The following KIAA1217 variants were observed in gnomAD, a reference collection of about 807,000 sequenced individuals.
KIAA1217 encodes sickle tail protein homolog.
KIAA1217 carries 88 observed loss-of-function variants against 163.9 expected under a neutral mutation model. The observed-to-expected ratio is 0.54, with a 90% CI of 0.45 to 0.64. The LOEUF (loss-of-function observed/expected upper bound fraction) is 0.64, where lower values mean the gene tolerates loss of function less well. Among genes scored for constraint, KIAA1217 ranks in the 30% least tolerant of loss-of-function variants. The pLI, the probability that KIAA1217 is intolerant of heterozygous loss-of-function variation, is 0.00. For synonymous variants in KIAA1217, 903 were observed against 923.1 expected, an observed-to-expected ratio of 0.98 and a Z score of 0.39; for missense variants, 2,372 against 2,475.0, an observed-to-expected ratio of 0.96 and a Z score of 0.88.
intron 1 of KIAA1217, among the ~76,000 whole-genome samples, chr10:23,933,545 G>A (rs1843343712): frequency 1.3e-5 from 2 of 152,042 alleles, no homozygotes; most frequent in Non-Finnish European, 2.9e-5. Flanking sequence ...TTCACAAATG[G>A]GATCTAATTA....
chr10:24,494,817 A>G (rs1369744645), intron 7 of KIAA1217, among the ~76,000 whole-genome samples: 1 of 152,100 alleles, frequency 6.6e-6, no homozygotes, highest in African/African-American at 2.4e-5. Context: ...CGAAAGTAAC[A>G]CTTTGGCCCA....
intron 5 of KIAA1217, among the ~76,000 whole-genome samples, chr10:24,447,129 C>A (rs1564696026): frequency 1.3e-5 from 2 of 152,278 alleles, no homozygotes; most frequent in East Asian, 3.9e-4. Flanking sequence ...CTGCCCCGCT[C>A]TCTTTGTGCA....
intron 1 of KIAA1217, among the ~76,000 whole-genome samples, chr10:23,808,532 G>T (rs550405310): frequency 1.3e-5 from 2 of 151,862 alleles, no homozygotes; most frequent in Non-Finnish European, 2.9e-5. Flanking sequence ...TCTAAAATTA[G>T]AACTGCAGTC....
chr10:23,737,418 C>T (rs1564378592), intron 1 of KIAA1217, among the ~76,000 whole-genome samples: 2 of 151,946 alleles, frequency 1.3e-5, no homozygotes, highest in South Asian at 4.1e-4. Context: ...TGGTCTGTAT[C>T]TCTTGACCTA....
chr10:23,944,733 T>C (rs1358641361), intron 1 of KIAA1217, among the ~76,000 whole-genome samples: 1 of 151,998 alleles, frequency 6.6e-6, no homozygotes, highest in African/African-American at 2.4e-5. Context: ...GTGGTACAGA[T>C]ATAATGGGAA....
intron 2 of KIAA1217, among the ~76,000 whole-genome samples, chr10:24,141,005 A>G (rs2064042619): frequency 6.6e-6 from 1 of 152,176 alleles, no homozygotes; most frequent in East Asian, 1.9e-4. Flanking sequence ...CCTGGATAGA[A>G]TGCATGAAAC....
At chr10:24,341,905 G>T (rs529046574) in intron 2 of KIAA1217, among the ~76,000 whole-genome samples, 1 of 151,690 alleles carries the variant, frequency 6.6e-6, no homozygotes, top group Non-Finnish European at 1.5e-5. Context: ...TTGGAATATC[G>T]TCATGTGTTC....
intron 1 of KIAA1217, among the ~76,000 whole-genome samples, chr10:23,972,423 T>C (rs538914013): frequency 7.5e-4 from 114 of 151,836 alleles, no homozygotes; most frequent in African/African-American, 2.3e-3. Context: ...CACAGAATAC[T>C]ATGCAGCTGT....
chr10:24,409,999 T>TTTTC (rs950599313), intron 3 of KIAA1217, among the ~76,000 whole-genome samples: 5 of 96,680 alleles, frequency 5.2e-5, no homozygotes, highest in Admixed American at 1.1e-4. Context: ...TCTTTTTTCT[T>TTTTC]TTTTTTTTTT....
intron 2 of KIAA1217, among the ~76,000 whole-genome samples, chr10:24,098,823 A>G (rs538118910): frequency 5.9e-5 from 9 of 152,050 alleles, no homozygotes; most frequent in East Asian, 1.9e-4. Context: ...TCTCTGAAAA[A>G]AAAAGTTTTC....
Position 24,501,452 on chromosome 10 carries a change from T to G in KIAA1217, c.1908T>G (p.Pro636=). The G allele has an allele frequency of 6.2e-7, 1 of 1,614,074 alleles. No homozygotes were observed. The highest frequency in any genetic ancestry group is 1.1e-5 in the South Asian group (1 of 91,068). The change falls in exon 9 of 21, where the codon CCT becomes CCG. Residue 636 remains proline, a synonymous_variant. Transcript: ENST00000376454. ...CGGTGCCTCCCAGCCAGCCTCCACC[T>G]GTGGGCACCTCAGCCATCCACATGA... ...ESTVPPSQPP[P]VGTSAIHMSL... is the part of the protein sequence containing the mutation.
intron 4 of KIAA1217, among the ~76,000 whole-genome samples, chr10:24,435,204 C>G (rs1272289218): frequency 6.6e-6 from 1 of 152,206 alleles, no homozygotes; most frequent in Non-Finnish European, 1.5e-5. Flanking sequence ...GGTATAGATA[C>G]TACATCTGTT....
At chr10:23,724,632 AAT>A (rs1838037085) in intron 1 of KIAA1217, among the ~76,000 whole-genome samples, 1 of 152,190 alleles carries the variant, frequency 6.6e-6, no homozygotes, top group Non-Finnish European at 1.5e-5. Flanking sequence ...TTTACCCCTA[AAT>A]ATCCCTAAAG....
intron 10 of KIAA1217, among the ~76,000 whole-genome samples, chr10:24,515,231 C>A (rs1403307915): frequency 2.0e-5 from 3 of 151,622 alleles, no homozygotes; most frequent in Admixed American, 2.0e-4. Flanking sequence ...TGATGCCCAG[C>A]TAATTTTTGT....
intron 1 of KIAA1217, among the ~76,000 whole-genome samples, chr10:23,990,451 T>G (rs970052913): frequency 2.6e-5 from 4 of 152,192 alleles, no homozygotes; most frequent in Non-Finnish European, 5.9e-5. Flanking sequence ...TTAATAATCT[T>G]TTTTTAATGA....
Position 24,038,135 on chromosome 10 carries a change from T to A in KIAA1217, c.-171+30761T>A, listed in dbSNP as rs1249440218. On this transcript the variant is annotated intron_variant, in intron 2 of 18. Transcript: ENST00000376462. ...GTTTCTCTGTCAACTTTCTATTCTT[T>A]CTTTGGTTTAAAATGAAAATATACC... Among the ~76,000 whole-genome samples, 12 of 152,322 alleles carry A rather than the reference T, an allele frequency of 7.9e-5. No individual in the cohort carries two copies. In the East Asian group the frequency reaches 2.3e-3, roughly 29 times the overall value.
At chr10:23,801,484 C>T (rs911658036) in intron 1 of KIAA1217, among the ~76,000 whole-genome samples, 1 of 152,128 alleles carries the variant, frequency 6.6e-6, no homozygotes, top group East Asian at 1.9e-4. Context: ...ATCAAACAAA[C>T]AAACAAAAAG....
intron 2 of KIAA1217, among the ~76,000 whole-genome samples, chr10:24,131,095 T>G (rs1420264878): frequency 6.6e-6 from 1 of 152,234 alleles, no homozygotes; most frequent in East Asian, 1.9e-4. Flanking sequence ...TGAAACATAC[T>G]TGTTGAAGAT....
chr10:24,176,840 T>A (rs570931300), intron 2 of KIAA1217, among the ~76,000 whole-genome samples: 11 of 152,252 alleles, frequency 7.2e-5, no homozygotes, highest in African/African-American at 2.6e-4. Context: ...GGCTCAGGCA[T>A]GGCGAGCTGC....
Sources: allele counts gnomAD v4.1 joint callset (sites outside exome capture counted in the v4.1 genomes callset), GRCh38; gene constraint gnomAD v4.1.1; transcripts MANE v1.5; gene names NCBI Gene and HGNC (gene_info 2026-07-23, HGNC 2026-07-21).